Variants in SNCAIP observed in about 807,000 individuals in gnomAD.
The protein encoded by SNCAIP is synuclein alpha interacting protein.
SNCAIP carries 43 observed loss-of-function variants against 86.7 expected under a neutral mutation model. The observed-to-expected ratio is 0.50, with a 90% CI of 0.39 to 0.64. SNCAIP has a LOEUF of 0.64. Ranked by LOEUF, SNCAIP falls within the 30% of genes least tolerant of loss-of-function variation. The probability of loss-of-function intolerance (pLI) is 0.00; values close to 1 mark genes in which losing one functional copy is unlikely to be tolerated. For synonymous variants in SNCAIP, 417 were observed against 427.2 expected (o/e 0.98, Z 0.29); for missense variants, 981 against 1,103.1 (o/e 0.89, Z 1.57).
chr5:122,331,887 T>G (rs1330082351), intron 1 of SNCAIP, among the ~76,000 whole-genome samples: 1 of 152,254 alleles, frequency 6.6e-6, no homozygotes, highest in African/African-American at 2.4e-5. Flanking sequence ...TTCTTTTTGC[T>G]TACTGATATA....
intron 1 of SNCAIP, among the ~76,000 whole-genome samples, chr5:122,381,750 C>G (rs1391681005): frequency 6.6e-6 from 1 of 152,050 alleles, no homozygotes; most frequent in Non-Finnish European, 1.5e-5. Flanking sequence ...GTGACAAAAT[C>G]TCTCAGCATT....
intron 1 of SNCAIP, among the ~76,000 whole-genome samples, chr5:122,329,093 T>G (rs1460835007): frequency 6.6e-6 from 1 of 152,220 alleles, no homozygotes; most frequent in Non-Finnish European, 1.5e-5. Context: ...GTTTCATTCA[T>G]GTCTGCCACA....
chr5:122,399,231 G>A (rs1190784922), intron 2 of SNCAIP, among the ~76,000 whole-genome samples: 1 of 152,142 alleles, frequency 6.6e-6, no homozygotes, highest in South Asian at 2.1e-4. Flanking sequence ...AGGATAAAGA[G>A]AAGAGACAGA....
At chr5:122,444,392 T>C (rs577132664) in intron 7 of SNCAIP, 171 bp from the exon 8 acceptor site, 3 of 687,128 alleles carry the variant, frequency 4.4e-6, no homozygotes, top group East Asian at 2.7e-5. Context: ...GCATTGATAG[T>C]AGTAGGACTG....
chr5:122,313,074 T>A (rs1341018449), intron 1 of SNCAIP, among the ~76,000 whole-genome samples: 1 of 152,272 alleles, frequency 6.6e-6, no homozygotes, highest in Non-Finnish European at 1.5e-5. Flanking sequence ...AACACGCTAC[T>A]GCTTGCAGCG....
chr5:122,408,877 C>CT (rs1253030367), intron 3 of SNCAIP, among the ~76,000 whole-genome samples: 3 of 152,214 alleles, frequency 2.0e-5, no homozygotes, highest in Non-Finnish European at 4.4e-5. Flanking sequence ...AGAAGCATTA[C>CT]TGTGCCTATT....
chr5:122,451,381 A>C lies in SNCAIP; in HGVS notation c.2534A>C (p.Gln845Pro), dbSNP rs930901572. Reference sequence around the variant, plus strand: ...GACAAAGATAAGGGCAGGACTCTCCAGCGGACCTCCACAAGTAACGAATCG... The same window carrying C: ...GACAAAGATAAGGGCAGGACTCTCCCGCGGACCTCCACAAGTAACGAATCG... ...EKDKDKGRTL[Q>P]RTSTSNESGD... Residue 845 changes from glutamine (Q) to proline (P), a missense_variant, in exon 10 of 11, where the codon CAG becomes CCG. Physicochemically the swap from Gln to Pro is moderately conservative, Grantham distance 76 (BLOSUM62 -1). Transcript: ENST00000261368. 3.7e-6 allele frequency: 6 copies of C among 1,613,582 alleles called. No homozygotes were observed. Among genetic ancestry groups the C allele is most frequent in the Non-Finnish European group, 5.1e-6 (6 of 1,179,424 alleles).
Position 122,450,782 on chromosome 5 carries a change from T to A in SNCAIP, c.1935T>A (p.Ala645=), listed in dbSNP as rs1783550944. ...AACTGTCCTTGGAATTCCAGGATGC[T>A]CAGGCTTCCTCTAGAAATTCTAAAA... ...QEKLSLEFQD[A]QASSRNSKKI... is the part of the protein sequence containing the mutation. Residue 645 remains alanine (A), a synonymous_variant, in exon 10 of 11, where the codon GCT becomes GCA. Coordinates refer to ENST00000261368, the MANE Select transcript of SNCAIP (RefSeq NM_005460.4). The A allele has an allele frequency of 1.9e-6, 3 of 1,614,002 alleles. No homozygotes were observed. The highest frequency in any genetic ancestry group is 2.5e-6 in the Non-Finnish European group (3 of 1,179,880).
At chr5:122,362,924 G>A (rs555777047) in intron 1 of SNCAIP, among the ~76,000 whole-genome samples, 2 of 152,218 alleles carry the variant, frequency 1.3e-5, no homozygotes, top group South Asian at 4.1e-4. Context: ...ATAGCCAAGA[G>A]GGAAAGAACC....
Position 122,409,128 on chromosome 5 carries a change from C to G in SNCAIP, c.130+5263C>G, listed in dbSNP as rs147313918. On this transcript the variant is annotated intron_variant, in intron 3 of 10. Coordinates refer to ENST00000261368, the MANE Select transcript of SNCAIP (RefSeq NM_005460.4). ...CTAAAAAAGGAAGTTATTTGTGGAA[C>G]TTTTGCACGCATTCTCTGCTTAATA... Among the ~76,000 whole-genome samples, 20 of 152,072 alleles carry G rather than the reference C, an allele frequency of 1.3e-4. 1 individual carries two copies. The East Asian group carries it at 3.9e-3, about 29-fold the overall frequency.
chr5:122,355,191 T>C (rs1561567827), intron 1 of SNCAIP, among the ~76,000 whole-genome samples: 1 of 152,202 alleles, frequency 6.6e-6, no homozygotes, highest in Non-Finnish European at 1.5e-5. Context: ...CAAATTCAAC[T>C]TAGGTATAAA....
chr5:122,392,933 T>A (rs1769731865), intron 2 of SNCAIP, among the ~76,000 whole-genome samples: 1 of 152,218 alleles, frequency 6.6e-6, no homozygotes, highest in Admixed American at 6.5e-5. Flanking sequence ...GATTTTTTTT[T>A]AATACAACAG....
chr5:122,319,972 T>C (rs1438063095), intron 1 of SNCAIP, among the ~76,000 whole-genome samples: 2 of 152,228 alleles, frequency 1.3e-5, no homozygotes, highest in Admixed American at 6.5e-5. Flanking sequence ...TCCGCACTCA[T>C]TCATGCAACC....
intron 1 of SNCAIP, among the ~76,000 whole-genome samples, chr5:122,313,577 C>T (rs1046506551): frequency 6.6e-6 from 1 of 152,214 alleles, no homozygotes; most frequent in Non-Finnish European, 1.5e-5. Context: ...TTCATTTGTA[C>T]ATATTGAAAA....
At chr5:122,426,053 C>T (rs890978223) in intron 5 of SNCAIP, among the ~76,000 whole-genome samples, 1 of 152,192 alleles carries the variant, frequency 6.6e-6, no homozygotes, top group Non-Finnish European at 1.5e-5. Context: ...CCAAAAACTA[C>T]ACAAATTAAT....
At chr5:122,339,437 A>C (rs1190039492) in intron 1 of SNCAIP, among the ~76,000 whole-genome samples, 1 of 152,246 alleles carries the variant, frequency 6.6e-6, no homozygotes, top group African/African-American at 2.4e-5. Flanking sequence ...TTCTTCTACA[A>C]GTGTCAAAAA....
chr5:122,459,050 C>G (rs1441668171), intron 10 of SNCAIP, among the ~76,000 whole-genome samples: 1 of 152,108 alleles, frequency 6.6e-6, no homozygotes, highest in African/African-American at 2.4e-5. Context: ...ATGGTGTGTT[C>G]TTTATCAATA....
At chr5:122,329,442 A>G (rs1754818898) in intron 1 of SNCAIP, among the ~76,000 whole-genome samples, 1 of 152,200 alleles carries the variant, frequency 6.6e-6, no homozygotes, top group South Asian at 2.1e-4. Flanking sequence ...TTTAGTTGTT[A>G]AATTGTTCTC....
rs944245790 is a variant in SNCAIP, at chr5:122,463,686, C to T, written c.*190C>T. On this transcript the variant is annotated 3_prime_UTR_variant, in exon 11 of 11. Coordinates refer to ENST00000261368, the MANE Select transcript of SNCAIP (RefSeq NM_005460.4). The stretch of plus-strand genomic sequence containing the variant: ...AAACAATGCCTCACCAGCAGAAGAA[C>T]AGAATATCAGGATGCCTTAAATTTA... 3 of 594,648 alleles carry T rather than the reference C, an allele frequency of 5.0e-6. No homozygotes were observed. Among genetic ancestry groups the T allele is most frequent in the African/African-American group, 3.7e-5 (2 of 53,572 alleles). The allele number at this position is 594,648 out of a possible 1,614,324, so 36.8% of individuals were successfully genotyped here. A position where few individuals can be genotyped will look rare whatever the true frequency, so the allele number is the denominator to read the frequency against.
Sources: gnomAD v4.1 joint callset for allele counts (sites outside exome capture counted in the v4.1 genomes callset) on GRCh38, gnomAD v4.1.1 for gene constraint, MANE v1.5 for transcripts, NCBI Gene and HGNC (gene_info 2026-07-23, HGNC 2026-07-21) for gene names.